Variants in ICE1 observed in about 807,000 individuals in gnomAD.
ICE1 encodes interactor of little elongation complex ELL subunit 1.
Under a neutral mutation model 192.7 loss-of-function variants are expected in ICE1, and 64 were observed. The observed-to-expected ratio is 0.33, with a 90% confidence interval of 0.27 to 0.41. The LOEUF (loss-of-function observed/expected upper bound fraction) is 0.41. Ranked by LOEUF, ICE1 falls within the 10% of genes least tolerant of loss-of-function variation. The pLI is 1.00. For missense variants in ICE1, 2,708 were observed against 2,696.0 expected (o/e 1.00, Z -0.10); for synonymous variants, 1,010 against 984.5 (o/e 1.03, Z -0.49).
chr5:5,463,712 G>C lies in ICE1; in HGVS notation c.4378G>C (p.Gly1460Arg), dbSNP rs747155759. The C allele has an allele frequency of 6.2e-7, 1 of 1,613,914 alleles. No individual in the cohort carries two copies. Among genetic ancestry groups the C allele is most frequent in the South Asian group, 1.1e-5 (1 of 91,082 alleles). The change falls in exon 13 of 19, where the codon GGT (glycine) becomes CGT (arginine). Residue 1460 changes from glycine (G) to arginine (R), a missense_variant. This residue lies in a region of ICE1 where 2,366 missense variants were observed against 2,276.6 expected (regional missense o/e 1.04). Transcript: ENST00000296564. ...ISQDQGELEA[G>R]CIPVTSAEKS... ...TCAGGATCAAGGAGAGCTGGAAGCT[G>C]GTTGCATCCCAGTGACTTCTGCTGA...
In ICE1 at chr5:5,463,002, C is replaced by A; in HGVS notation, c.3668C>A (p.Pro1223His). Residue 1223 changes from proline (P) to histidine (H), a missense_variant, in exon 13 of 19, where the codon CCC (proline) becomes CAC (histidine). Transcript: ENST00000296564. ...ATAGGAGAAAAATACAGAAAGCAAC[C>A]CTGTGAGGAAGAAACACTTGGAACC... ...SEIGEKYRKQ[P>H]CEEETLGTCE... 6.2e-7 allele frequency: 1 copy of A among 1,613,444 alleles called. No individual in the cohort carries two copies. The highest frequency in any genetic ancestry group is 8.5e-7 in the Non-Finnish European group (1 of 1,179,762).
chr5:5,454,405 C>A, intron 10 of ICE1, 147 bp from the exon 11 acceptor site: 1 of 507,338 alleles, frequency 2.0e-6, no homozygotes. Flanking sequence ...CAGTAACTGA[C>A]TGTATTGTGC....
At position 5,473,581 on chromosome 5, in the gene ICE1, C is replaced by A; in HGVS notation, c.6246C>A (p.Phe2082Leu). The change falls in exon 16 of 19, where the codon TTC becomes TTA. Residue 2082 changes from phenylalanine (F) to leucine (L), a missense_variant. Physicochemically the swap from Phe to Leu is conservative, Grantham distance 22. Around this residue, in one of 2 missense-constraint regions of ICE1, gnomAD observed 342 missense variants for 419.3 expected, o/e 0.82. Coordinates refer to ENST00000296564, the MANE Select transcript of ICE1 (RefSeq NM_015325.3). Reference protein sequence around the residue: ...WEKNAPVDVGFMVSKLLLTIQ... With the variant: ...WEKNAPVDVGLMVSKLLLTIQ... The stretch of plus-strand genomic sequence containing the variant: ...AGAATGCCCCGGTAGATGTTGGCTT[C>A]ATGGTTTCTAAGCTGCTTTTGACCA... 6.2e-7 allele frequency: 1 copy of A among 1,610,682 alleles called. No individual in the cohort carries two copies. The highest frequency in any genetic ancestry group is 8.5e-7 in the Non-Finnish European group (1 of 1,179,136).
At chr5:5,439,329 A>G (rs1737970071) in intron 3 of ICE1, among the ~76,000 whole-genome samples, 1 of 152,168 alleles carries the variant, frequency 6.6e-6, no homozygotes, top group South Asian at 2.1e-4. Context: ...AGGAATTCCT[A>G]GGAGATGAAA....
intron 18 of ICE1, among the ~76,000 whole-genome samples, chr5:5,487,149 C>T (rs746538291): frequency 2.0e-5 from 3 of 152,110 alleles, no homozygotes; most frequent in Non-Finnish European, 4.4e-5. Context: ...GGGCTCTCTG[C>T]GAGGCCTCCT....
At chr5:5,431,288 T>G (rs2111333604) in intron 1 of ICE1, among the ~76,000 whole-genome samples, 1 of 152,334 alleles carries the variant, frequency 6.6e-6, no homozygotes, top group South Asian at 2.1e-4. Context: ...TAAATGCATG[T>G]CCAAAAATAA....
Position 5,464,497 on chromosome 5 carries a change from G to A in ICE1, c.5163G>A (p.Pro1721=), listed in dbSNP as rs778228625. Residue 1721 remains proline (P), a synonymous_variant, in exon 13 of 19, where the codon CCG becomes CCA. Coordinates refer to ENST00000296564, the MANE Select transcript of ICE1 (RefSeq NM_015325.3). The surrounding 1 kb of genome is among the most constrained non-coding windows in gnomAD (Gnocchi z 4.0). ...CTCTGCAGTTCTGTGCGGCCACGCC[G>A]AAGCACGCACTTCCTGTGCCTGGCC... is the stretch of plus-strand genomic sequence containing the variant. The part of the protein sequence containing the change: ...PSPLQFCAAT[P]KHALPVPGRL... 30 of 1,613,788 alleles carry A rather than the reference G, an allele frequency of 1.9e-5. No individual in the cohort carries two copies. Among genetic ancestry groups the A allele is most frequent in the Non-Finnish European group, 2.2e-5 (26 of 1,179,888 alleles).
chr5:5,457,106 C>T (rs1034091342), intron 11 of ICE1, among the ~76,000 whole-genome samples: 1 of 152,156 alleles, frequency 6.6e-6, no homozygotes, highest in Non-Finnish European at 1.5e-5. Flanking sequence ...GTCCATCTCA[C>T]CTGTCTGTCT....
At chr5:5,466,025 T>G (rs1333904878) in intron 13 of ICE1, among the ~76,000 whole-genome samples, 1 of 152,118 alleles carries the variant, frequency 6.6e-6, no homozygotes, top group Non-Finnish European at 1.5e-5. Context: ...CCCAAGAAAT[T>G]ATGATTATTT....
rs114234570 is a variant in ICE1 at position 5,465,990 on chromosome 5, C to T, written c.5893-344C>T. On this transcript the variant is annotated intron_variant, in intron 13 of 18. Transcript: ENST00000296564. ...AGAATTACATACTGTATTTCATATACTCACACAGATTACATAAGGCAAAAC... is the reference window on the plus strand; with the variant it reads ...AGAATTACATACTGTATTTCATATATTCACACAGATTACATAAGGCAAAAC... Among the ~76,000 whole-genome samples the T allele has an allele frequency of 5.4e-3, 828 of 152,224 alleles. 9 individuals carry two copies. Among genetic ancestry groups the T allele is most frequent in the African/African-American group, 0.019 (796 of 41,520 alleles).
chr5:5,431,560 A>G (rs1737711552), intron 1 of ICE1, among the ~76,000 whole-genome samples: 1 of 152,194 alleles, frequency 6.6e-6, no homozygotes, highest in African/African-American at 2.4e-5. Context: ...TTATCTTGGA[A>G]TTACTTGCCC....
chr5:5,425,874 A>C (rs559263819), intron 1 of ICE1, among the ~76,000 whole-genome samples: 70 of 152,326 alleles, frequency 4.6e-4, no homozygotes, highest in African/African-American at 1.6e-3. Context: ...AATAAAGAAG[A>C]AAAAGGTTCT....
At chr5:5,430,137 C>T (rs10045820) in intron 1 of ICE1, among the ~76,000 whole-genome samples, 8,633 of 152,224 alleles carry the variant, frequency 0.057, 799 homozygotes, top group African/African-American at 0.2. Flanking sequence ...CCTTGAACCT[C>T]ACTTCTTCCA....
At chr5:5,454,509 T>G in intron 10 of ICE1, 43 bp from the exon 11 acceptor site, 128 of 1,403,462 alleles carry the variant, frequency 9.1e-5, no homozygotes, top group Non-Finnish European at 1.2e-4. Context: ...TTGTGTACGG[T>G]GAGCCAAATG....
intron 5 of ICE1, 77 bp from the exon 6 acceptor site, chr5:5,443,091 T>C (rs938412965): frequency 1.3e-6 from 1 of 789,904 alleles, no homozygotes; most frequent in Non-Finnish European, 2.0e-6. Context: ...TAATAGCTTA[T>C]CAAAGGCAAA....
intron 1 of ICE1, among the ~76,000 whole-genome samples, chr5:5,432,046 A>G (rs1393732241): frequency 6.6e-6 from 1 of 152,202 alleles, no homozygotes; most frequent in Non-Finnish European, 1.5e-5. Context: ...CATTATTGAA[A>G]TATAATTTAC....
intron 1 of ICE1, among the ~76,000 whole-genome samples, chr5:5,434,565 G>A (rs1467268520): frequency 6.6e-6 from 1 of 152,086 alleles, no homozygotes; most frequent in Non-Finnish European, 1.5e-5. Context: ...ATACCCTTAA[G>A]AACCAATTAG....
chr5:5,430,985 C>T (rs1386723629), intron 1 of ICE1, among the ~76,000 whole-genome samples: 1 of 152,170 alleles, frequency 6.6e-6, no homozygotes, highest in East Asian at 1.9e-4. Flanking sequence ...TATTTAAACT[C>T]TTTTTGCTTC....
chr5:5,466,188 T>C (rs1738978495), intron 13 of ICE1, 146 bp from the exon 14 acceptor site: 1 of 633,106 alleles, frequency 1.6e-6, no homozygotes, highest in East Asian at 3.2e-5. Context: ...GGTAAGTTCT[T>C]ACCAGTTACT....
Sources: gnomAD v4.1 joint callset for allele counts (sites outside exome capture counted in the v4.1 genomes callset) on GRCh38, gnomAD v4.1.1 for gene constraint, gnomAD v4.1.1 regional missense constraint, Gnocchi (gnomAD v3.1) non-coding constraint, MANE v1.5 for transcripts, NCBI Gene and HGNC (gene_info 2026-07-23, HGNC 2026-07-21) for gene names.